Variants in MIR2052HG observed in about 807,000 individuals in gnomAD.
MIR2052HG encodes the protein MIR2052 host gene.
intron 4 of MIR2052HG, among the ~76,000 whole-genome samples, chr8:74,744,441 CATTAGGT>C (rs1809862041): frequency 6.6e-6 from 1 of 151,928 alleles, no homozygotes; most frequent in South Asian, 2.1e-4. Context: ...CGTCATCTAG[CATTAGGT>C]ATATCTCCCA....
At chr8:74,619,712 C>G (rs1808334936) in intron 2 of MIR2052HG, among the ~76,000 whole-genome samples, 1 of 152,192 alleles carries the variant, frequency 6.6e-6, no homozygotes, top group Admixed American at 6.5e-5. Flanking sequence ...ATTCAATTAC[C>G]TCCACCTGGT....
At chr8:74,710,870 C>T (rs559323019) in intron 4 of MIR2052HG, among the ~76,000 whole-genome samples, 11 of 152,240 alleles carry the variant, frequency 7.2e-5, no homozygotes, top group Admixed American at 4.6e-4. Context: ...TAATATCAGA[C>T]AGTTAGATTG....
intron 2 of MIR2052HG, among the ~76,000 whole-genome samples, chr8:74,638,134 G>A (rs1808602210): frequency 6.6e-6 from 1 of 152,152 alleles, no homozygotes; most frequent in Admixed American, 6.6e-5. Flanking sequence ...AAAAATAAAG[G>A]GAGTTATCAG....
At chr8:74,611,676 G>T (rs908426487) in intron 1 of MIR2052HG, among the ~76,000 whole-genome samples, 2 of 152,062 alleles carry the variant, frequency 1.3e-5, no homozygotes, top group Non-Finnish European at 2.9e-5. Flanking sequence ...AGGACACTAC[G>T]AACAAAATGT....
At chr8:74,631,741 G>A (rs1281602091) in intron 2 of MIR2052HG, among the ~76,000 whole-genome samples, 1 of 152,110 alleles carries the variant, frequency 6.6e-6, no homozygotes, top group Admixed American at 6.6e-5. Context: ...TGGAGGATGG[G>A]GAGTCCAAGG....
intron 2 of MIR2052HG, among the ~76,000 whole-genome samples, chr8:74,617,211 A>C (rs564023090): frequency 6.6e-6 from 1 of 152,272 alleles, no homozygotes; most frequent in South Asian, 2.1e-4. Flanking sequence ...CATTGTACCC[A>C]AGAGGTAACT....
intron 2 of MIR2052HG, among the ~76,000 whole-genome samples, chr8:74,692,765 T>C (rs546620870): frequency 1.3e-5 from 2 of 152,366 alleles, no homozygotes; most frequent in East Asian, 3.9e-4. Context: ...TTAACAGTTC[T>C]GTCTTAGTAA....
chr8:74,690,288 T>G (rs189445992), intron 2 of MIR2052HG, among the ~76,000 whole-genome samples: 15 of 152,306 alleles, frequency 9.8e-5, no homozygotes, highest in African/African-American at 3.6e-4. Flanking sequence ...GATAGTTTTC[T>G]GAAAGACCTG....
At chr8:74,726,805 G>A (rs1809641876) in intron 4 of MIR2052HG, among the ~76,000 whole-genome samples, 1 of 151,954 alleles carries the variant, frequency 6.6e-6, no homozygotes, top group African/African-American at 2.4e-5. Flanking sequence ...TAGATACAGA[G>A]TCTTGTTGAG....
intron 2 of MIR2052HG, among the ~76,000 whole-genome samples, chr8:74,689,780 CG>C (rs1211613882): frequency 1.3e-5 from 2 of 152,134 alleles, no homozygotes; most frequent in Non-Finnish European, 2.9e-5. Flanking sequence ...ATTTGACAAA[CG>C]CTATGATTTA....
chr8:74,668,393 G>A (rs1808955283), intron 2 of MIR2052HG, among the ~76,000 whole-genome samples: 1 of 152,244 alleles, frequency 6.6e-6, no homozygotes, highest in Non-Finnish European at 1.5e-5. Flanking sequence ...TTGTTTGTTT[G>A]CCATGAATTT....
chr8:74,668,040 C>A (rs1318780489), intron 2 of MIR2052HG, among the ~76,000 whole-genome samples: 4 of 148,108 alleles, frequency 2.7e-5, no homozygotes, highest in East Asian at 2.0e-4. Context: ...AAAAAAAAAA[C>A]CCAGTGACCC....
chr8:74,640,043 T>C (rs1447713057), intron 2 of MIR2052HG, among the ~76,000 whole-genome samples: 1 of 152,334 alleles, frequency 6.6e-6, no homozygotes, highest in East Asian at 1.9e-4. Flanking sequence ...AATGCCTTTA[T>C]TAATGTTTGA....
intron 2 of MIR2052HG, among the ~76,000 whole-genome samples, chr8:74,668,940 T>G (rs1808961299): frequency 6.6e-6 from 1 of 152,166 alleles, no homozygotes. Flanking sequence ...TTCTTTCCCT[T>G]TCTTGTCACA....
intron 2 of MIR2052HG, among the ~76,000 whole-genome samples, chr8:74,649,957 G>C (rs1438089876): frequency 6.6e-6 from 1 of 152,030 alleles, no homozygotes; most frequent in South Asian, 2.1e-4. Context: ...TCTACTGAGT[G>C]TGTATATTTG....
chr8:74,755,231 T>C (rs1809987465), intron 5 of MIR2052HG, among the ~76,000 whole-genome samples: 1 of 152,236 alleles, frequency 6.6e-6, no homozygotes. Context: ...TATTTTGGTC[T>C]TTACAGTGAC....
At chr8:74,646,731 C>T (rs1808692843) in intron 2 of MIR2052HG, among the ~76,000 whole-genome samples, 1 of 152,098 alleles carries the variant, frequency 6.6e-6, no homozygotes, top group Non-Finnish European at 1.5e-5. Flanking sequence ...AGTTCGATAT[C>T]AGACCTGGCA....
intron 1 of MIR2052HG, among the ~76,000 whole-genome samples, chr8:74,600,448 T>C (rs1386122990): frequency 1.3e-5 from 2 of 151,254 alleles, no homozygotes; most frequent in Non-Finnish European, 2.9e-5. Context: ...CCGGGCGTGG[T>C]TGCACATGCC....
intron 4 of MIR2052HG, among the ~76,000 whole-genome samples, chr8:74,704,497 A>G (rs1404909828): frequency 6.6e-6 from 1 of 152,046 alleles, no homozygotes; most frequent in Non-Finnish European, 1.5e-5. Flanking sequence ...TTTCTTTTTC[A>G]TATAGACTTC....
Sources: allele counts gnomAD v4.1 joint callset (sites outside exome capture counted in the v4.1 genomes callset), GRCh38; gene constraint gnomAD v4.1.1; transcripts MANE v1.5; gene names NCBI Gene and HGNC (gene_info 2026-07-23, HGNC 2026-07-21).